GRXCR1: variants seen among roughly 807,000 people sequenced by gnomAD.
GRXCR1 encodes the protein glutaredoxin domain-containing cysteine-rich protein 1.
In GRXCR1, 27 loss-of-function variants were observed where a neutral mutation model predicts 27.3. The observed-to-expected ratio is 0.99, with a 90% CI of 0.73 to 1.37. The LOEUF (loss-of-function observed/expected upper bound fraction) is 1.37. Among genes scored for constraint, GRXCR1 ranks in the 40% most tolerant of loss-of-function variants. The probability of loss-of-function intolerance (pLI) is 0.00; values close to 1 mark genes in which losing one functional copy is unlikely to be tolerated. For synonymous variants in GRXCR1, 122 were observed against 131.1 expected, an observed-to-expected ratio of 0.93 and a Z score of 0.47; for missense variants, 379 against 354.4, an observed-to-expected ratio of 1.07 and a Z score of -0.56.
intron 2 of GRXCR1, among the ~76,000 whole-genome samples, chr4:43,002,368 T>C (rs1445522505): frequency 6.6e-6 from 1 of 151,972 alleles, no homozygotes; most frequent in Admixed American, 6.6e-5. Context: ...TTATTGAGAC[T>C]AGAGAATGGC....
chr4:42,947,274 C>T (rs1747764759), intron 1 of GRXCR1, among the ~76,000 whole-genome samples: 1 of 151,640 alleles, frequency 6.6e-6, no homozygotes, highest in Admixed American at 6.6e-5. Context: ...AAAGAGTGAC[C>T]CTAGCTGGAC....
intron 1 of GRXCR1, among the ~76,000 whole-genome samples, chr4:42,930,737 C>A (rs1256180731): frequency 6.6e-6 from 1 of 151,906 alleles, no homozygotes; most frequent in Non-Finnish European, 1.5e-5. Flanking sequence ...CCTTGGATTC[C>A]TCAGATCATC....
At chr4:42,953,514 G>T (rs1317907193) in intron 1 of GRXCR1, among the ~76,000 whole-genome samples, 1 of 152,192 alleles carries the variant, frequency 6.6e-6, no homozygotes, top group Non-Finnish European at 1.5e-5. Flanking sequence ...TTCTTCACAT[G>T]ATTACAGCCC....
intron 1 of GRXCR1, among the ~76,000 whole-genome samples, chr4:42,939,560 A>G (rs531569262): frequency 6.6e-6 from 1 of 152,172 alleles, no homozygotes; most frequent in African/African-American, 2.4e-5. Flanking sequence ...TGGTGAATGT[A>G]GGCATCCTTG....
intron 2 of GRXCR1, among the ~76,000 whole-genome samples, chr4:42,983,538 G>A (rs1463246171): frequency 2.0e-5 from 3 of 151,504 alleles, no homozygotes; most frequent in Non-Finnish European, 4.4e-5. Context: ...TGGCGATGCG[G>A]GCTCTTTTTT....
At chr4:43,001,159 C>T (rs751960442) in intron 2 of GRXCR1, among the ~76,000 whole-genome samples, 18 of 150,964 alleles carry the variant, frequency 1.2e-4, no homozygotes, top group Admixed American at 2.6e-4. Context: ...CTTTTAAAGA[C>T]GATAGGATGC....
rs574638647 is a variant in GRXCR1, at chr4:42,900,200, A to G, written c.384+6550A>G. Among the ~76,000 whole-genome samples, 19 of 152,282 alleles carry G rather than the reference A, an allele frequency of 1.2e-4. No homozygotes were observed. The East Asian group carries it at 3.7e-3, about 29-fold the overall frequency. ...AGCATATAAATGTATCAATCCTTCAATAATTATTGCCTGGAAGGGATTTAC... is the reference window on the plus strand; with the variant it reads ...AGCATATAAATGTATCAATCCTTCAGTAATTATTGCCTGGAAGGGATTTAC... On this transcript the variant is annotated intron_variant, in intron 1 of 3. Coordinates refer to ENST00000399770, the MANE Select transcript of GRXCR1 (RefSeq NM_001080476.3).
chr4:42,976,425 G>A (rs1748522132), intron 2 of GRXCR1, among the ~76,000 whole-genome samples: 1 of 151,984 alleles, frequency 6.6e-6, no homozygotes, highest in Non-Finnish European at 1.5e-5. Flanking sequence ...TTTAAAAGAT[G>A]CTATGTATAT....
intron 1 of GRXCR1, among the ~76,000 whole-genome samples, chr4:42,905,716 C>T (rs955378038): frequency 6.6e-6 from 1 of 152,116 alleles, no homozygotes; most frequent in Non-Finnish European, 1.5e-5. Context: ...TACAGGTGTG[C>T]CTCTTTTATC....
chr4:42,983,606 G>A (rs981036989), intron 2 of GRXCR1, among the ~76,000 whole-genome samples: 10 of 152,022 alleles, frequency 6.6e-5, no homozygotes, highest in Admixed American at 5.2e-4. Flanking sequence ...GTCATTGGTA[G>A]CTTGATGGGT....
intron 2 of GRXCR1, among the ~76,000 whole-genome samples, chr4:43,020,124 C>A (rs1713048705): frequency 6.6e-6 from 1 of 152,008 alleles, no homozygotes; most frequent in African/African-American, 2.4e-5. Context: ...TGGAGCTTGC[C>A]TCCTGCTGGC....
chr4:43,003,904 A>T (rs1712467527), intron 2 of GRXCR1, among the ~76,000 whole-genome samples: 1 of 152,262 alleles, frequency 6.6e-6, no homozygotes, highest in Non-Finnish European at 1.5e-5. Context: ...GGAAAATAAA[A>T]GCTGGCTGCA....
At chr4:43,017,128 A>C (rs1328863558) in intron 2 of GRXCR1, among the ~76,000 whole-genome samples, 2 of 152,224 alleles carry the variant, frequency 1.3e-5, no homozygotes, top group African/African-American at 4.8e-5. Context: ...TGAGATTTAT[A>C]AAGAAAGAAC....
At chr4:42,912,214 G>A (rs982477053) in intron 1 of GRXCR1, among the ~76,000 whole-genome samples, 10 of 152,086 alleles carry the variant, frequency 6.6e-5, no homozygotes, top group Non-Finnish European at 1.2e-4. Flanking sequence ...GAGATTATCC[G>A]GCATAAATGT....
chr4:42,938,049 T>G (rs1747501423), intron 1 of GRXCR1, among the ~76,000 whole-genome samples: 1 of 152,006 alleles, frequency 6.6e-6, no homozygotes, highest in African/African-American at 2.4e-5. Flanking sequence ...TTGTACTCAC[T>G]GACCATCCAA....
chr4:42,952,063 A>C (rs1747895550), intron 1 of GRXCR1, among the ~76,000 whole-genome samples: 1 of 152,206 alleles, frequency 6.6e-6, no homozygotes, highest in African/African-American at 2.4e-5. Flanking sequence ...ATGCTTATGC[A>C]TCTCTGTTAT....
intron 1 of GRXCR1, among the ~76,000 whole-genome samples, chr4:42,904,891 A>G (rs1746551050): frequency 6.6e-6 from 1 of 152,208 alleles, no homozygotes; most frequent in African/African-American, 2.4e-5. Context: ...ATTAAGGAAC[A>G]GAGGTGGGAC....
In GRXCR1 at chr4:43,007,127, T is replaced by A. The variant is rs1378768152; in HGVS notation, c.628-13227T>A. On this transcript the variant is annotated intron_variant, in intron 2 of 3. Coordinates refer to ENST00000399770, the MANE Select transcript of GRXCR1 (RefSeq NM_001080476.3). ...CTGGGATTGACAGCAATTAGGAAAA[T>A]AAGTTAATTAGTTTGGTGATCAGAG... 3.9e-5 allele frequency among the ~76,000 whole-genome samples: 6 copies of A among 152,300 alleles called. No individual in the cohort carries two copies. The East Asian group carries it at 9.6e-4, about 24-fold the overall frequency.
Position 42,914,429 on chromosome 4 carries a change from A to G in GRXCR1, c.384+20779A>G, listed in dbSNP as rs115187266. On this transcript the variant is annotated intron_variant, in intron 1 of 3. Transcript: ENST00000399770. ...CTGCCCTATTGAATTTTGAACTTGC[A>G]TGGGGGCTGTAGCCCCTTTGTTTTG... 5.3e-3 allele frequency among the ~76,000 whole-genome samples: 802 copies of G among 152,326 alleles called. 5 individuals are homozygous for G. Among genetic ancestry groups the G allele is most frequent in the African/African-American group, 0.019 (771 of 41,584 alleles).
Sources: allele counts gnomAD v4.1 joint callset (sites outside exome capture counted in the v4.1 genomes callset), GRCh38; gene constraint gnomAD v4.1.1; transcripts MANE v1.5; gene names NCBI Gene and HGNC (gene_info 2026-07-23, HGNC 2026-07-21).